The following PXDNL variants were observed in gnomAD, a reference collection of about 807,000 sequenced individuals.
PXDNL encodes the protein peroxidasin like.
A neutral mutation model predicts 150.8 loss-of-function variants in PXDNL; 145 were observed. The observed-to-expected ratio is 0.96, with a 90% CI of 0.84 to 1.10. PXDNL has a LOEUF of 1.10. Among genes scored for constraint, PXDNL ranks in the 50% least tolerant of loss-of-function variants. The pLI is 0.00. For missense variants in PXDNL, 2,087 were observed against 1,873.9 expected, an observed-to-expected ratio of 1.11 and a Z score of -2.10; for synonymous variants, 757 against 725.7, an observed-to-expected ratio of 1.04 and a Z score of -0.69.
At chr8:51,634,080 C>T (rs1278825507) in intron 2 of PXDNL, among the ~76,000 whole-genome samples, 1 of 151,998 alleles carries the variant, frequency 6.6e-6, no homozygotes, top group Non-Finnish European at 1.5e-5. Flanking sequence ...ATGGTATTTC[C>T]TAGGTTTTCT....
intron 2 of PXDNL, among the ~76,000 whole-genome samples, chr8:51,611,574 G>C (rs536367905): frequency 1.8e-4 from 28 of 152,318 alleles, no homozygotes; most frequent in Non-Finnish European, 3.8e-4. Context: ...AATAAGAAAT[G>C]ACAAATGTCT....
At chr8:51,781,861 G>A (rs1479312576) in intron 1 of PXDNL, among the ~76,000 whole-genome samples, 1 of 152,180 alleles carries the variant, frequency 6.6e-6, no homozygotes, top group African/African-American at 2.4e-5. Flanking sequence ...AAGCCCTCTT[G>A]GAACACAGGC....
chr8:51,661,719 T>A (rs1323005510), intron 1 of PXDNL, among the ~76,000 whole-genome samples: 1 of 152,126 alleles, frequency 6.6e-6, no homozygotes, highest in Non-Finnish European at 1.5e-5. Flanking sequence ...TGTGCAGCTG[T>A]TGGTCTGGCA....
chr8:51,403,662 G>A (rs559968340), intron 17 of PXDNL, among the ~76,000 whole-genome samples: 2 of 152,278 alleles, frequency 1.3e-5, no homozygotes, highest in South Asian at 2.1e-4. Context: ...CTCACAGCCA[G>A]GTCTTTCACA....
At chr8:51,427,737 G>C (rs1425544354) in intron 12 of PXDNL, among the ~76,000 whole-genome samples, 1 of 152,138 alleles carries the variant, frequency 6.6e-6, no homozygotes, top group African/African-American at 2.4e-5. Flanking sequence ...AAGTAGAGGG[G>C]AACTTCCACA....
chr8:51,490,685 C>A (rs1364337625), intron 5 of PXDNL, among the ~76,000 whole-genome samples: 2 of 148,234 alleles, frequency 1.3e-5, no homozygotes, highest in African/African-American at 2.5e-5. Context: ...TACATATATA[C>A]ACATACAAAT....
At chr8:51,766,961 G>A (rs1226062189) in intron 1 of PXDNL, among the ~76,000 whole-genome samples, 12 of 152,022 alleles carry the variant, frequency 7.9e-5, no homozygotes, top group Admixed American at 7.9e-4. Context: ...TGGTGCCCTT[G>A]ATGGTACCCC....
chr8:51,774,276 G>T (rs1243063416), intron 1 of PXDNL, among the ~76,000 whole-genome samples: 1 of 152,120 alleles, frequency 6.6e-6, no homozygotes, highest in Non-Finnish European at 1.5e-5. Context: ...AAGCAATAAT[G>T]TTGCACCTCC....
intron 2 of PXDNL, among the ~76,000 whole-genome samples, chr8:51,645,697 G>GT (rs1814903027): frequency 6.6e-6 from 1 of 152,172 alleles, no homozygotes; most frequent in African/African-American, 2.4e-5. Flanking sequence ...TAGAATAAAA[G>GT]TAACACAGCC....
intron 4 of PXDNL, among the ~76,000 whole-genome samples, chr8:51,506,511 A>T (rs1252988944): frequency 7.8e-6 from 1 of 128,786 alleles, no homozygotes; most frequent in African/African-American, 2.9e-5. Flanking sequence ...ACTGCACTCC[A>T]GCCTGGGTGA....
chr8:51,667,071 C>T (rs1815401602), intron 1 of PXDNL, among the ~76,000 whole-genome samples: 1 of 152,102 alleles, frequency 6.6e-6, no homozygotes, highest in African/African-American at 2.4e-5. Flanking sequence ...ATCATCCCAC[C>T]CAATTTCTTT....
intron 8 of PXDNL, among the ~76,000 whole-genome samples, chr8:51,471,979 C>A (rs890132216): frequency 6.6e-6 from 1 of 152,104 alleles, no homozygotes; most frequent in African/African-American, 2.4e-5. Flanking sequence ...CATGAGCCAC[C>A]GCGCCCGGCC....
At chr8:51,642,127 A>G (rs916391943) in intron 2 of PXDNL, among the ~76,000 whole-genome samples, 1 of 150,520 alleles carries the variant, frequency 6.6e-6, no homozygotes, top group African/African-American at 2.4e-5. Context: ...AACACCGCAT[A>G]TTCTCACTCA....
intron 17 of PXDNL, among the ~76,000 whole-genome samples, chr8:51,377,384 C>T (rs1290543288): frequency 2.6e-5 from 4 of 152,188 alleles, no homozygotes; most frequent in African/African-American, 9.6e-5. Context: ...GTCGCGGCCT[C>T]CTCAGCCTCA....
chr8:51,464,901 G>A (rs1164133027), intron 8 of PXDNL, among the ~76,000 whole-genome samples: 4 of 152,090 alleles, frequency 2.6e-5, no homozygotes, highest in Admixed American at 2.6e-4. Context: ...TTCTGAAATT[G>A]AATCTGTAAT....
chr8:51,693,959 A>G (rs2130866927), intron 1 of PXDNL, among the ~76,000 whole-genome samples: 1 of 152,360 alleles, frequency 6.6e-6, no homozygotes, highest in Non-Finnish European at 1.5e-5. Flanking sequence ...AGATGATAAT[A>G]TATTCAAAGT....
intron 4 of PXDNL, among the ~76,000 whole-genome samples, chr8:51,553,512 CTTTT>C (rs1812535283): frequency 6.6e-6 from 1 of 152,036 alleles, no homozygotes; most frequent in Admixed American, 6.6e-5. Context: ...ATAAAATATG[CTTTT>C]TAAAGATGTT....
At position 51,371,911 on chromosome 8, in the gene PXDNL, G is replaced by A. The variant is rs372900663; in HGVS notation, c.3863C>T (p.Pro1288Leu). Residue 1288 changes from proline (P) to leucine (L), a missense_variant, in exon 19 of 23, where the codon CCG becomes CTG. Physicochemically the swap from Pro to Leu is moderately conservative, Grantham distance 98. Transcript: ENST00000356297. ...PQDYLNCSEI[P>L]KVDLRVWQDC... ...TTGCCACACTCGCAGGTCCACCTTC[G>A]GGATCTCGCTGCAGTTCAGGTAATC... 73 of 1,613,704 alleles carry A rather than the reference G, an allele frequency of 4.5e-5. No homozygotes were observed. Among genetic ancestry groups the A allele is most frequent in the Non-Finnish European group, 5.8e-5 (68 of 1,179,860 alleles).
chr8:51,494,039 G>A (rs1218241856), intron 5 of PXDNL, among the ~76,000 whole-genome samples: 1 of 152,106 alleles, frequency 6.6e-6, no homozygotes, highest in African/African-American at 2.4e-5. Context: ...AGAAAGGTCG[G>A]GTTACCCACA....
Sources: gnomAD v4.1 joint callset for allele counts (sites outside exome capture counted in the v4.1 genomes callset) on GRCh38, gnomAD v4.1.1 for gene constraint, MANE v1.5 for transcripts, NCBI Gene and HGNC (gene_info 2026-07-23, HGNC 2026-07-21) for gene names.